The following ADCY6 variants were observed in gnomAD, a reference collection of about 807,000 sequenced individuals.
ADCY6 encodes the protein adenylate cyclase type 6.
Under a neutral mutation model 111.6 loss-of-function variants are expected in ADCY6, and 59 were observed. That is an observed-to-expected ratio of 0.53 (90% confidence interval 0.43 to 0.66). The LOEUF (loss-of-function observed/expected upper bound fraction) is 0.66, where lower values mean the gene tolerates loss of function less well. Among genes scored for constraint, ADCY6 ranks in the 30% least tolerant of loss-of-function variants. The pLI, the probability that ADCY6 is intolerant of heterozygous loss-of-function variation, is 0.00. For missense variants in ADCY6, 1,242 were observed against 1,595.6 expected, an observed-to-expected ratio of 0.78 and a Z score of 3.78; for synonymous variants, 576 against 642.9, an observed-to-expected ratio of 0.90 and a Z score of 1.57.
intron 2 of ADCY6, among the ~76,000 whole-genome samples, chr12:48,781,417 G>T (rs141686125): frequency 6.6e-6 from 1 of 152,172 alleles, no homozygotes; most frequent in Non-Finnish European, 1.5e-5. Context: ...GGACCCAGGC[G>T]CTGTGCTGAT....
chr12:48,768,889 G>T lies in ADCY6; in HGVS notation c.3381+48C>A, dbSNP rs187620496. 3.3e-3 allele frequency: 5,170 copies of T among 1,571,546 alleles called. 13 individuals carry two copies. Among genetic ancestry groups the T allele is most frequent in the Non-Finnish European group, 3.8e-3 (4,354 of 1,157,358 alleles). On this transcript the variant is annotated intron_variant, in intron 21 of 21. Coordinates refer to ENST00000357869, the MANE Select transcript of ADCY6 (RefSeq NM_015270.5). ...GCAGACTGCAGAGACACCTGTGGAAGCCCTCCGGGCCCATGTTCCTCCCAG... is the reference window on the plus strand; with the variant it reads ...GCAGACTGCAGAGACACCTGTGGAATCCCTCCGGGCCCATGTTCCTCCCAG...
chr12:48,771,626 C>T lies in ADCY6; in HGVS notation c.3051+84G>A. ...TGGGTCCCATCAAATCTCTCTCTCT[C>T]TTCCCAGTTCCACTCACCCATTCCA... On this transcript the variant is annotated intron_variant, in intron 19 of 21. Coordinates refer to ENST00000357869, the MANE Select transcript of ADCY6 (RefSeq NM_015270.5). The surrounding 1 kb of genome is among the most constrained non-coding windows in gnomAD (Gnocchi z 4.3). 6.3e-7 allele frequency: 1 copy of T among 1,589,148 alleles called. No individual in the cohort carries two copies. Among genetic ancestry groups the T allele is most frequent in the Non-Finnish European group, 8.6e-7 (1 of 1,166,296 alleles).
In ADCY6 at chr12:48,777,024, C is replaced by A. The variant is rs1036310665; in HGVS notation, c.1376+80G>T. 1 of 1,503,634 alleles carries A rather than the reference C, an allele frequency of 6.7e-7. No individual in the cohort carries two copies. The highest frequency in any genetic ancestry group is 8.9e-7 in the Non-Finnish European group (1 of 1,125,520). The allele number at this position is 1,503,634 out of a possible 1,614,324, so 93.1% of individuals were successfully genotyped here. A position where few individuals can be genotyped will look rare whatever the true frequency, so the allele number is the denominator to read the frequency against. The stretch of plus-strand genomic sequence containing the variant: ...CAGAGAAAGCCAAAACTGAGGAAAT[C>A]TCCTGAGGTCTCATCAAAAAGTAGG... On this transcript the variant is annotated intron_variant, in intron 6 of 21. Transcript: ENST00000357869. The surrounding 1 kb of genome is among the most constrained non-coding windows in gnomAD (Gnocchi z 4.9).
Position 48,774,036 on chromosome 12 carries a change from A to G in ADCY6, c.2346T>C (p.Ala782=). The change falls in exon 15 of 22, where the codon GCT becomes GCC. Residue 782 remains alanine (A), a synonymous_variant. Transcript: ENST00000357869. ...GCTGCAGGTGGCAGGCAGTGATGTC[A>G]GCAGGTGTTAAATTCAGCATCCGGG... ...CAARMLNLTP[A]DITACHLQQL... The G allele has an allele frequency of 6.2e-7, 1 of 1,613,066 alleles. No individual in the cohort carries two copies. The highest frequency in any genetic ancestry group is 8.5e-7 in the Non-Finnish European group (1 of 1,179,560).
chr12:48,783,397 T>G lies in ADCY6; in HGVS notation c.38A>C (p.Asp13Ala). 1 of 1,614,170 alleles carries G rather than the reference T, an allele frequency of 6.2e-7. No individual in the cohort carries two copies. The highest frequency in any genetic ancestry group is 1.1e-5 in the South Asian group (1 of 91,082). Residue 13 changes from aspartate (D) to alanine (A), a missense_variant, in exon 2 of 22, where the codon GAT becomes GCT. By Grantham distance (126) the Asp-to-Ala change is moderately radical. Transcript: ENST00000357869. ...WFSGLLVPKVDERKTAWGERN... is the reference protein window; with the variant it reads ...WFSGLLVPKVAERKTAWGERN... ...TTCACCCCAGGCTGTTTTCCGTTCA[T>G]CCACTTTAGGGACCAGGAGGCCACT...
At chr12:48,775,651 C>T in intron 10 of ADCY6, 22 bp downstream of exon 10, 5 of 1,610,308 alleles carry the variant, frequency 3.1e-6, no homozygotes, top group East Asian at 2.2e-5. Flanking sequence ...GTGCCTTCTC[C>T]CTCCTCAGTA....
chr12:48,781,158 A>G (rs1941833669), intron 2 of ADCY6, among the ~76,000 whole-genome samples: 1 of 151,488 alleles, frequency 6.6e-6, no homozygotes, highest in Non-Finnish European at 1.5e-5. Context: ...AGATCGCGCC[A>G]CTGCACCACT....
intron 1 of ADCY6, among the ~76,000 whole-genome samples, chr12:48,787,764 A>G (rs1271018362): frequency 6.6e-6 from 1 of 152,064 alleles, no homozygotes; most frequent in Non-Finnish European, 1.5e-5. Flanking sequence ...GCTGTTCTTC[A>G]TACCACCGGC....
rs1364868359 is a variant in ADCY6, at chr12:48,777,973, C to T, written c.1014+135G>A. ...TGGACAGGACAAAACCCCAGTATCA[C>T]AGGGCCTCTGTGACGCACAACCCAG... On this transcript the variant is annotated intron_variant, in intron 3 of 21. Coordinates refer to ENST00000357869, the MANE Select transcript of ADCY6 (RefSeq NM_015270.5). This position sits in a 1 kb window ranked among gnomAD's most constrained non-coding sequence, Gnocchi z 4.9. 3 of 1,345,492 alleles carry T rather than the reference C, an allele frequency of 2.2e-6. No individual in the cohort carries two copies. Among genetic ancestry groups the T allele is most frequent in the Non-Finnish European group, 2.0e-6 (2 of 992,268 alleles). 83.3% of individuals were successfully genotyped at this position (1,345,492 alleles called of 1,614,324 possible).
rs1941609301 is a variant in ADCY6 at position 48,773,600 on chromosome 12, G to A, written c.2490C>T (p.Phe830=). 1.2e-6 allele frequency: 2 copies of A among 1,614,136 alleles called. No homozygotes were observed. The highest frequency in any genetic ancestry group is 2.2e-5 in the East Asian group (1 of 44,886). Residue 830 remains phenylalanine, a synonymous_variant, in exon 16 of 22, where the codon TTC becomes TTT. Coordinates refer to ENST00000357869, the MANE Select transcript of ADCY6 (RefSeq NM_015270.5). ...ACTTCCCGATGCTGCTGATGTGCAG[G>A]AAGACAGAGCTGGCCAAGAGACTCA... ...MLLSLLASSV[F]LHISSIGKLA...
Position 48,772,936 on chromosome 12 carries a change from TGAAGAAA to T in ADCY6, c.2622-400_2622-394del, listed in dbSNP as rs1592156348. On this transcript the variant is annotated intron_variant, in intron 16 of 21. Coordinates refer to ENST00000357869, the MANE Select transcript of ADCY6 (RefSeq NM_015270.5). The stretch of plus-strand genomic sequence containing the variant: ...TTAGGTGACATTGCCATTTTACAGA[TGAAGAAA>T]TTGAGGCTCAGAGAAGCTAACTCAC... 3.9e-5 allele frequency among the ~76,000 whole-genome samples: 6 copies of T among 152,306 alleles called. No homozygotes were observed. In the East Asian group the frequency reaches 1.2e-3, roughly 29 times the overall value.
chr12:48,787,366 A>G (rs1941997181), intron 1 of ADCY6, among the ~76,000 whole-genome samples: 1 of 152,084 alleles, frequency 6.6e-6, no homozygotes, highest in Non-Finnish European at 1.5e-5. Context: ...AGAAAGGGGC[A>G]AATGCTATCC....
rs1941715225 is a variant in ADCY6, at chr12:48,776,744, T to C, written c.1377-158A>G. ...GGTTGGACATGAGCAGAAGGCTGCATGGGGCTCAAGGACAAATGTTAAGGC... is the reference window on the plus strand; with the variant it reads ...GGTTGGACATGAGCAGAAGGCTGCACGGGGCTCAAGGACAAATGTTAAGGC... On this transcript the variant is annotated intron_variant, in intron 6 of 21. Coordinates refer to ENST00000357869, the MANE Select transcript of ADCY6 (RefSeq NM_015270.5). This position sits in a 1 kb window ranked among gnomAD's most constrained non-coding sequence, Gnocchi z 6.1. 2.0e-5 allele frequency among the ~76,000 whole-genome samples: 3 copies of C among 152,160 alleles called. No homozygotes were observed. The South Asian group carries it at 6.2e-4, about 32-fold the overall frequency.
chr12:48,776,663 C>T lies in ADCY6; in HGVS notation c.1377-77G>A. The stretch of plus-strand genomic sequence containing the variant: ...CCCACAACCCAGGCCCTTCACTCCT[C>T]TCAGGGCCCAGCGGGCAAGGACAGA... On this transcript the variant is annotated intron_variant, in intron 6 of 21. Coordinates refer to ENST00000357869, the MANE Select transcript of ADCY6 (RefSeq NM_015270.5). This position sits in a 1 kb window ranked among gnomAD's most constrained non-coding sequence, Gnocchi z 6.1. The T allele has an allele frequency of 6.6e-7, 1 of 1,522,350 alleles. No individual in the cohort carries two copies. The highest frequency in any genetic ancestry group is 8.8e-7 in the Non-Finnish European group (1 of 1,136,726). The allele number at this position is 1,522,350 out of a possible 1,614,324, so 94.3% of individuals were successfully genotyped here.
chr12:48,772,320 C>T lies in ADCY6; in HGVS notation c.2762G>A (p.Arg921His), dbSNP rs200061969. Reference protein sequence around the residue: ...LHAQQVESTARLDFLWKLQAT... With the variant: ...LHAQQVESTAHLDFLWKLQAT... ...CTGTAGTTTCCAGAGGAAGTCTAGG[C>T]GGGCAGTCGACTCCACCTGCTGAGC... The change falls in exon 18 of 22, where the codon CGC becomes CAC. Residue 921 changes from arginine to histidine, a missense_variant. Transcript: ENST00000357869. The T allele has an allele frequency of 1.7e-5, 28 of 1,613,614 alleles. No individual in the cohort carries two copies. The highest frequency in any genetic ancestry group is 2.2e-5 in the East Asian group (1 of 44,874).
Position 48,783,036 on chromosome 12 carries a change from C to A in ADCY6, c.399G>T (p.Ser133=). ...VQVFQSKQFR[S]AKLERLYQRY... Reference sequence around the variant, plus strand: ...GCTGGTACAGGCGCTCCAGCTTGGCCGAACGGAACTGCTTCGACTGGAACA... The same window carrying A: ...GCTGGTACAGGCGCTCCAGCTTGGCAGAACGGAACTGCTTCGACTGGAACA... Residue 133 remains serine, a synonymous_variant, in exon 2 of 22, where the codon TCG becomes TCT. Coordinates refer to ENST00000357869, the MANE Select transcript of ADCY6 (RefSeq NM_015270.5). 6.2e-7 allele frequency: 1 copy of A among 1,613,524 alleles called. No homozygotes were observed. The highest frequency in any genetic ancestry group is 8.5e-7 in the Non-Finnish European group (1 of 1,179,862).
At position 48,768,401 on chromosome 12, in the gene ADCY6, GT is replaced by G; in HGVS notation, c.*189del. On this transcript the variant is annotated 3_prime_UTR_variant, in exon 22 of 22. Coordinates refer to ENST00000357869, the MANE Select transcript of ADCY6 (RefSeq NM_015270.5). Reference sequence around the variant, plus strand: ...GAAAGTCACTTGCATAATCCTCTCGGTAGGTAGCCCCTTGTTTTCCAGCTTG... The same window carrying G: ...GAAAGTCACTTGCATAATCCTCTCGGAGGTAGCCCCTTGTTTTCCAGCTTG... 1 of 754,582 alleles carries G rather than the reference GT, an allele frequency of 1.3e-6. No individual in the cohort carries two copies. The highest frequency in any genetic ancestry group is 2.2e-6 in the Non-Finnish European group (1 of 464,142). The allele number at this position is 754,582 out of a possible 1,614,324, so 46.7% of individuals were successfully genotyped here.
chr12:48,783,510 A>G, intron 1 of ADCY6, 72 bp from the exon 2 acceptor site: 2 of 1,599,512 alleles, frequency 1.3e-6, no homozygotes, highest in Non-Finnish European at 1.7e-6. Flanking sequence ...CATCACAGCC[A>G]CTGCCACCAC....
At chr12:48,781,030 T>G (rs566409274) in intron 2 of ADCY6, among the ~76,000 whole-genome samples, 1 of 152,084 alleles carries the variant, frequency 6.6e-6, no homozygotes, top group African/African-American at 2.4e-5. Context: ...GAAACTTGTC[T>G]CTACTAAAAA....
Sources: allele counts gnomAD v4.1 joint callset (sites outside exome capture counted in the v4.1 genomes callset), GRCh38; gene constraint gnomAD v4.1.1; non-coding constraint Gnocchi (gnomAD v3.1); transcripts MANE v1.5; gene names NCBI Gene and HGNC (gene_info 2026-07-23, HGNC 2026-07-21).